SLC2A13: variants seen among roughly 807,000 people sequenced by gnomAD.
SLC2A13 encodes the protein solute carrier family 2 member 13.
In SLC2A13, 32 loss-of-function variants were observed where a neutral mutation model predicts 64.4. The observed-to-expected ratio is 0.50, with a 90% CI of 0.37 to 0.67. The LOEUF (loss-of-function observed/expected upper bound fraction) is 0.67. Ranked by LOEUF, SLC2A13 falls within the 30% of genes least tolerant of loss-of-function variation. The pLI, the probability that SLC2A13 is intolerant of heterozygous loss-of-function variation, is 0.00. For missense variants in SLC2A13, 743 were observed against 829.2 expected (o/e 0.90, Z 1.28); for synonymous variants, 338 against 327.1 (o/e 1.03, Z -0.36).
intron 6 of SLC2A13, among the ~76,000 whole-genome samples, chr12:39,843,104 T>A (rs1943218285): frequency 6.6e-6 from 1 of 152,044 alleles, no homozygotes; most frequent in Non-Finnish European, 1.5e-5. Context: ...TTTGAGTAGA[T>A]ACGTGCTTTC....
intron 2 of SLC2A13, among the ~76,000 whole-genome samples, chr12:40,036,652 A>C (rs1022100256): frequency 7.9e-5 from 12 of 152,194 alleles, no homozygotes; most frequent in African/African-American, 2.9e-4. Context: ...TCATTTATCT[A>C]CTGTTACCAG....
intron 7 of SLC2A13, among the ~76,000 whole-genome samples, chr12:39,769,426 A>ATTCTT (rs1316648343): frequency 6.6e-6 from 1 of 152,128 alleles, no homozygotes; most frequent in Admixed American, 6.6e-5. Context: ...AACAACTGGA[A>ATTCTT]TTCTTTTAAA....
chr12:40,046,485 T>G (rs1243145348), intron 2 of SLC2A13, among the ~76,000 whole-genome samples: 3 of 152,178 alleles, frequency 2.0e-5, no homozygotes, highest in Non-Finnish European at 1.5e-5. Context: ...TAATAAAAAT[T>G]TTTAACAAAA....
At chr12:39,889,756 T>A (rs1944557486) in intron 4 of SLC2A13, among the ~76,000 whole-genome samples, 1 of 152,038 alleles carries the variant, frequency 6.6e-6, no homozygotes, top group African/African-American at 2.4e-5. Flanking sequence ...GGTCTTGATT[T>A]CTTGACCTCG....
At chr12:40,092,832 G>A (rs1309985379) in intron 1 of SLC2A13, among the ~76,000 whole-genome samples, 7 of 152,194 alleles carry the variant, frequency 4.6e-5, no homozygotes, top group Admixed American at 4.6e-4. Flanking sequence ...TACAGTCTGG[G>A]TGAACTACGA....
intron 3 of SLC2A13, among the ~76,000 whole-genome samples, chr12:39,974,496 G>C (rs917315260): frequency 6.6e-6 from 1 of 152,176 alleles, no homozygotes; most frequent in Non-Finnish European, 1.5e-5. Flanking sequence ...CTCAACAGCT[G>C]CTAGCTCCCC....
intron 3 of SLC2A13, among the ~76,000 whole-genome samples, chr12:39,998,988 G>A (rs476592): frequency 1.3e-3 from 194 of 152,282 alleles, no homozygotes; most frequent in African/African-American, 4.4e-3. Flanking sequence ...TAGGGACCCC[G>A]AATGGAGGGA....
intron 4 of SLC2A13, among the ~76,000 whole-genome samples, chr12:39,942,027 T>C (rs1288241749): frequency 1.3e-5 from 2 of 152,172 alleles, no homozygotes; most frequent in African/African-American, 4.8e-5. Context: ...CTTAAGGATT[T>C]GGGTTTATTT....
At chr12:39,881,563 T>C (rs550769693) in intron 4 of SLC2A13, among the ~76,000 whole-genome samples, 9 of 152,274 alleles carry the variant, frequency 5.9e-5, no homozygotes, top group African/African-American at 1.9e-4. Context: ...ATCACCTATT[T>C]ATACCTGGCC....
At chr12:40,035,969 G>C (rs901256433) in intron 2 of SLC2A13, among the ~76,000 whole-genome samples, 1 of 152,184 alleles carries the variant, frequency 6.6e-6, no homozygotes, top group African/African-American at 2.4e-5. Context: ...TCACAGTACT[G>C]TTGCTGAAAA....
chr12:40,057,562 TG>T (rs1390604689), intron 1 of SLC2A13, among the ~76,000 whole-genome samples: 1 of 152,180 alleles, frequency 6.6e-6, no homozygotes, highest in Non-Finnish European at 1.5e-5. Flanking sequence ...TCCAGGTAAA[TG>T]GGTACACTGC....
intron 4 of SLC2A13, among the ~76,000 whole-genome samples, chr12:39,937,557 T>C (rs1945938139): frequency 6.6e-6 from 1 of 152,168 alleles, no homozygotes; most frequent in African/African-American, 2.4e-5. Context: ...TTCTTCTCCT[T>C]ACCTTTCAGT....
At chr12:39,784,952 T>C (rs1008855070) in intron 7 of SLC2A13, among the ~76,000 whole-genome samples, 1 of 152,162 alleles carries the variant, frequency 6.6e-6, no homozygotes, top group African/African-American at 2.4e-5. Flanking sequence ...ATTCAAAAAG[T>C]GACTTGGGTG....
intron 1 of SLC2A13, among the ~76,000 whole-genome samples, chr12:40,096,480 A>G (rs1435345407): frequency 6.6e-6 from 1 of 151,984 alleles, no homozygotes; most frequent in Non-Finnish European, 1.5e-5. Context: ...AAATTATAAT[A>G]AAAGATGTCA....
chr12:39,931,285 A>G (rs1945821979), intron 4 of SLC2A13, among the ~76,000 whole-genome samples: 2 of 152,190 alleles, frequency 1.3e-5, no homozygotes, highest in Admixed American at 6.5e-5. Flanking sequence ...GGCAAAACAA[A>G]TGCCCTGCTA....
At chr12:40,012,603 T>C (rs1019600356) in intron 3 of SLC2A13, among the ~76,000 whole-genome samples, 1 of 152,210 alleles carries the variant, frequency 6.6e-6, no homozygotes, top group African/African-American at 2.4e-5. Flanking sequence ...ATCATCAGTC[T>C]GGTCTTACCT....
chr12:40,100,290 A>C (rs572575078), intron 1 of SLC2A13, among the ~76,000 whole-genome samples: 128 of 152,272 alleles, frequency 8.4e-4, no homozygotes, highest in African/African-American at 2.8e-3. Context: ...AATTCTCAGG[A>C]AAGGTTTTGA....
At chr12:39,846,078 C>T (rs1037241698) in intron 6 of SLC2A13, among the ~76,000 whole-genome samples, 5 of 152,020 alleles carry the variant, frequency 3.3e-5, no homozygotes, top group East Asian at 1.9e-4. Context: ...GTAACAGAGG[C>T]CTTAAAAACA....
At chr12:39,982,405 C>T (rs1376702950) in intron 3 of SLC2A13, among the ~76,000 whole-genome samples, 30 of 147,956 alleles carry the variant, frequency 2.0e-4, no homozygotes, top group Admixed American at 1.1e-3. Flanking sequence ...TTGCAGACGA[C>T]ATGATTGTTT....
Sources: allele counts gnomAD v4.1 joint callset (sites outside exome capture counted in the v4.1 genomes callset), GRCh38; gene constraint gnomAD v4.1.1; transcripts MANE v1.5; gene names NCBI Gene and HGNC (gene_info 2026-07-23, HGNC 2026-07-21).